The following PRORP variants were observed in gnomAD, a reference collection of about 807,000 sequenced individuals.
PRORP encodes protein only RNase P catalytic subunit, also known as mitochondrial ribonuclease P catalytic subunit.
A neutral mutation model predicts 59.4 loss-of-function variants in PRORP; 51 were observed. That is an observed-to-expected ratio of 0.86 (90% confidence interval 0.69 to 1.08). The LOEUF (loss-of-function observed/expected upper bound fraction) is 1.08, where lower values mean the gene tolerates loss of function less well. Ranked by LOEUF, PRORP falls within the 50% of genes least tolerant of loss-of-function variation. The probability of loss-of-function intolerance (pLI) is 0.00; values close to 1 mark genes in which losing one functional copy is unlikely to be tolerated. For synonymous variants in PRORP, 231 were observed against 245.6 expected (o/e 0.94, Z 0.55); for missense variants, 646 against 690.3 (o/e 0.94, Z 0.72).
chr14:35,226,760 G>A (rs2049945678), intron 5 of PRORP, among the ~76,000 whole-genome samples: 1 of 152,064 alleles, frequency 6.6e-6, no homozygotes, highest in Non-Finnish European at 1.5e-5. Context: ...TTTGAGACAC[G>A]ATCTCTCTGT....
intron 5 of PRORP, among the ~76,000 whole-genome samples, chr14:35,218,428 A>G (rs1250373142): frequency 4.5e-5 from 6 of 133,802 alleles, no homozygotes; most frequent in Non-Finnish European, 9.5e-5. Flanking sequence ...GCCACTGCAT[A>G]GTAGCCTGGG....
Position 35,152,791 on chromosome 14 carries a change from C to T in PRORP, c.1167+25180C>T, listed in dbSNP as rs76490172. Among the ~76,000 whole-genome samples the T allele has an allele frequency of 2.6e-3, 390 of 147,972 alleles. 1 individual carries two copies. Among genetic ancestry groups the T allele is most frequent in the African/African-American group, 9.4e-3 (372 of 39,740 alleles). ...GCAGAGGCGCTCCTCACATCCCAGA[C>T]GGGGAGGCGGAGCAGAGGCGCTCCC... On this transcript the variant is annotated intron_variant, in intron 4 of 7. Transcript: ENST00000534898.
intron 4 of PRORP, among the ~76,000 whole-genome samples, chr14:35,173,639 A>T (rs2048372994): frequency 1.3e-5 from 2 of 152,008 alleles, no homozygotes; most frequent in South Asian, 4.1e-4. Context: ...CTTGATTTCC[A>T]GCTGTTCCTG....
chr14:35,160,250 A>G lies in PRORP; in HGVS notation c.1168-20420A>G, dbSNP rs961111126. 1.1e-4 allele frequency among the ~76,000 whole-genome samples: 16 copies of G among 152,110 alleles called. 1 individual carries two copies. The highest frequency in any genetic ancestry group is 2.1e-4 in the Non-Finnish European group (14 of 68,010). Reference sequence around the variant, plus strand: ...CTACCTGAGTATTCCTGCCTGTCCTATTTACTGTTGGACTCTTTCACCTTT... The same window carrying G: ...CTACCTGAGTATTCCTGCCTGTCCTGTTTACTGTTGGACTCTTTCACCTTT... On this transcript the variant is annotated intron_variant, in intron 4 of 7. Coordinates refer to ENST00000534898, the MANE Select transcript of PRORP (RefSeq NM_014672.4).
At chr14:35,230,050 CTTTTTT>C (rs35309046) in intron 5 of PRORP, among the ~76,000 whole-genome samples, 1 of 109,138 alleles carries the variant, frequency 9.2e-6, no homozygotes. Flanking sequence ...ACTGTAAATT[CTTTTTT>C]TTTTTTTTTT....
intron 5 of PRORP, chr14:35,235,497 C>T: frequency 3.3e-6 from 2 of 614,636 alleles, no homozygotes; most frequent in Admixed American, 4.2e-5. Context: ...GGATCCACTT[C>T]ATGTGCAGTC....
intron 5 of PRORP, among the ~76,000 whole-genome samples, chr14:35,208,640 C>G (rs2049356126): frequency 6.6e-6 from 1 of 150,734 alleles, no homozygotes. Flanking sequence ...GAGGCCGAGG[C>G]AGGCAGCTCA....
At chr14:35,208,907 G>A (rs182146056) in intron 5 of PRORP, among the ~76,000 whole-genome samples, 2 of 152,270 alleles carry the variant, frequency 1.3e-5, no homozygotes, top group East Asian at 3.9e-4. Context: ...CTACTCAGCA[G>A]TCTGAGGCAC....
intron 5 of PRORP, chr14:35,235,369 G>T: frequency 8.5e-6 from 6 of 703,134 alleles, no homozygotes; most frequent in Non-Finnish European, 1.6e-5. Flanking sequence ...GTGTAAAGTT[G>T]ACAGTGGTGC....
At chr14:35,138,980 G>A (rs2047428309) in intron 4 of PRORP, among the ~76,000 whole-genome samples, 1 of 144,612 alleles carries the variant, frequency 6.9e-6, no homozygotes, top group South Asian at 2.3e-4. Context: ...TTGTAGAGAC[G>A]GGGTTTTACC....
chr14:35,264,317 G>A (rs1224457832), intron 5 of PRORP, among the ~76,000 whole-genome samples: 1 of 151,830 alleles, frequency 6.6e-6, no homozygotes, highest in Non-Finnish European at 1.5e-5. Context: ...TAGTAGAGAT[G>A]GGGCCATGTT....
At chr14:35,160,182 G>A (rs986816552) in intron 4 of PRORP, among the ~76,000 whole-genome samples, 1 of 152,176 alleles carries the variant, frequency 6.6e-6, no homozygotes, top group Non-Finnish European at 1.5e-5. Flanking sequence ...TACAAGACAC[G>A]TCATTTGAGC....
At chr14:35,263,231 T>G (rs906415503) in intron 5 of PRORP, among the ~76,000 whole-genome samples, 9 of 152,238 alleles carry the variant, frequency 5.9e-5, no homozygotes, top group Admixed American at 4.6e-4. Flanking sequence ...CTTTCATTTT[T>G]CAAGTTTTCA....
At chr14:35,159,520 T>C (rs2048006895) in intron 4 of PRORP, among the ~76,000 whole-genome samples, 1 of 152,212 alleles carries the variant, frequency 6.6e-6, no homozygotes, top group African/African-American at 2.4e-5. Context: ...TAGTGTTGTT[T>C]AGTTTTTCAT....
intron 5 of PRORP, among the ~76,000 whole-genome samples, chr14:35,231,687 A>G (rs1017325055): frequency 1.3e-5 from 2 of 152,172 alleles, no homozygotes; most frequent in African/African-American, 2.4e-5. Flanking sequence ...ATAAATTTTT[A>G]TAGCTGAAAT....
At chr14:35,140,709 A>G (rs920967197) in intron 4 of PRORP, among the ~76,000 whole-genome samples, 13 of 145,432 alleles carry the variant, frequency 8.9e-5, no homozygotes, top group African/African-American at 2.9e-4. Flanking sequence ...AGGATTTTCA[A>G]AAGCTTCCAG....
At position 35,257,405 on chromosome 14, in the gene PRORP, T is replaced by C. The variant is rs144749946; in HGVS notation, c.1276-9322T>C. Among the ~76,000 whole-genome samples the C allele has an allele frequency of 2.3e-3, 356 of 152,306 alleles. 3 individuals are homozygous for C. The highest frequency in any genetic ancestry group is 8.2e-3 in the African/African-American group (340 of 41,564). The stretch of plus-strand genomic sequence containing the variant: ...TGACAACCACCATTCTATGCTGTCT[T>C]TATGAATTTGACTACTTTAGGTAAC... On this transcript the variant is annotated intron_variant, in intron 5 of 7. Coordinates refer to ENST00000534898, the MANE Select transcript of PRORP (RefSeq NM_014672.4).
chr14:35,203,370 A>G (rs1225710170), intron 5 of PRORP, among the ~76,000 whole-genome samples: 1 of 152,072 alleles, frequency 6.6e-6, no homozygotes, highest in Non-Finnish European at 1.5e-5. Flanking sequence ...TCTACAAAAA[A>G]TGGAAAAATT....
At chr14:35,167,754 C>G (rs2048220882) in intron 4 of PRORP, among the ~76,000 whole-genome samples, 2 of 152,150 alleles carry the variant, frequency 1.3e-5, no homozygotes, top group South Asian at 4.1e-4. Flanking sequence ...CCTGTTTTTC[C>G]ACATCTGCTA....
Sources: gnomAD v4.1 joint callset for allele counts (sites outside exome capture counted in the v4.1 genomes callset) on GRCh38, gnomAD v4.1.1 for gene constraint, MANE v1.5 for transcripts, NCBI Gene and HGNC (gene_info 2026-07-23, HGNC 2026-07-21) for gene names.